NRG1: variants seen among roughly 807,000 people sequenced by gnomAD.
NRG1 encodes the protein pro-neuregulin-1, membrane-bound isoform.
Under a neutral mutation model 63.8 loss-of-function variants are expected in NRG1, and 18 were observed. The ratio of observed to expected loss-of-function variants is 0.28; its 90% confidence interval spans 0.19 to 0.42. NRG1 has a LOEUF of 0.42. Among genes scored for constraint, NRG1 ranks in the 10% least tolerant of loss-of-function variants. The pLI is 1.00. For synonymous variants in NRG1, 302 were observed against 301.3 expected (o/e 1.00, Z -0.02); for missense variants, 762 against 814.7 (o/e 0.94, Z 0.79).
intron 1 of NRG1, among the ~76,000 whole-genome samples, chr8:32,445,035 G>C (rs1380818924): frequency 1.3e-5 from 2 of 152,178 alleles, no homozygotes; most frequent in Non-Finnish European, 2.9e-5. Context: ...TTTTGCAAAA[G>C]GCAATACCAA....
At chr8:31,650,960 C>T (rs1804781488) in intron 1 of NRG1, among the ~76,000 whole-genome samples, 1 of 152,312 alleles carries the variant, frequency 6.6e-6, no homozygotes, top group South Asian at 2.1e-4. Context: ...AAATGCTTTT[C>T]AAGGTCCGTT....
intron 1 of NRG1, among the ~76,000 whole-genome samples, chr8:32,106,872 GCC>G (rs1209921364): frequency 6.6e-6 from 1 of 151,836 alleles, no homozygotes; most frequent in Non-Finnish European, 1.5e-5. Flanking sequence ...GATTTTAAAG[GCC>G]CTTGAAAACA....
chr8:31,925,148 A>G (rs979013144), intron 1 of NRG1, among the ~76,000 whole-genome samples: 1 of 3,654 alleles, frequency 2.7e-4, no homozygotes, highest in Non-Finnish European at 1.3e-3. Context: ...GTGTGTGTGT[A>G]TACATATATA....
chr8:31,767,942 T>C (rs1375726675), intron 1 of NRG1, among the ~76,000 whole-genome samples: 1 of 152,134 alleles, frequency 6.6e-6, no homozygotes, highest in African/African-American at 2.4e-5. Context: ...TTTTCTGTAT[T>C]TGTCCAACAT....
chr8:32,162,900 G>A (rs1327457834), intron 1 of NRG1, among the ~76,000 whole-genome samples: 3 of 152,122 alleles, frequency 2.0e-5, no homozygotes, highest in Non-Finnish European at 2.9e-5. Flanking sequence ...GGGGTGAGGA[G>A]GGGTGCAATA....
At position 31,950,922 on chromosome 8, in the gene NRG1, A is replaced by G. The variant is rs571399899; in HGVS notation, c.37+311491A>G. Among the ~76,000 whole-genome samples, 13 of 152,348 alleles carry G rather than the reference A, an allele frequency of 8.5e-5. No homozygotes were observed. In the East Asian group the frequency reaches 1.3e-3, roughly 16 times the overall value. On this transcript the variant is annotated intron_variant, in intron 1 of 10. Coordinates refer to the NRG1 transcript ENST00000519301. ...AATATAAAGAGAGGACACTGTGAAAATCACTTTCCAAACTGACTTGTATTG... is the reference window on the plus strand; with the variant it reads ...AATATAAAGAGAGGACACTGTGAAAGTCACTTTCCAAACTGACTTGTATTG...
intron 1 of NRG1, among the ~76,000 whole-genome samples, chr8:32,254,238 A>G (rs1019507475): frequency 6.6e-6 from 1 of 151,622 alleles, no homozygotes. Flanking sequence ...CTAGCTTTTG[A>G]ATTTGTTTGC....
intron 1 of NRG1, among the ~76,000 whole-genome samples, chr8:32,367,573 C>T (rs1808242165): frequency 6.6e-6 from 1 of 152,126 alleles, no homozygotes; most frequent in Non-Finnish European, 1.5e-5. Context: ...GGAACTCAAA[C>T]TATAGTCCTT....
intron 1 of NRG1, among the ~76,000 whole-genome samples, chr8:32,531,424 TTAAA>T (rs1831441233): frequency 6.6e-6 from 1 of 152,030 alleles, no homozygotes; most frequent in Non-Finnish European, 1.5e-5. Flanking sequence ...TAAAAATTAA[TTAAA>T]TATTAATTAC....
chr8:31,812,496 A>G (rs1822984613), intron 1 of NRG1, among the ~76,000 whole-genome samples: 2 of 151,968 alleles, frequency 1.3e-5, no homozygotes, highest in Admixed American at 1.3e-4. Flanking sequence ...TGGAATACCC[A>G]ATTAGGGGTT....
intron 1 of NRG1, among the ~76,000 whole-genome samples, chr8:32,318,767 G>A (rs752344955): frequency 5.3e-5 from 8 of 152,164 alleles, no homozygotes; most frequent in Non-Finnish European, 1.2e-4. Flanking sequence ...AGGCTGAGAA[G>A]TTAAGTCTCC....
intron 1 of NRG1, among the ~76,000 whole-genome samples, chr8:32,305,006 C>T (rs1032228749): frequency 1.3e-5 from 2 of 152,044 alleles, no homozygotes; most frequent in Admixed American, 1.3e-4. Flanking sequence ...CAGAGAGAGA[C>T]TCTGTCTCCA....
intron 1 of NRG1, among the ~76,000 whole-genome samples, chr8:31,874,109 T>G (rs1829719908): frequency 6.6e-6 from 1 of 152,204 alleles, no homozygotes; most frequent in Admixed American, 6.5e-5. Flanking sequence ...AGGGCACAAT[T>G]TTCATTTTAT....
chr8:31,768,619 A>T (rs1193630524), intron 1 of NRG1, among the ~76,000 whole-genome samples: 1 of 152,202 alleles, frequency 6.6e-6, no homozygotes, highest in African/African-American at 2.4e-5. Context: ...GATCCAACAC[A>T]TACTAACCAT....
At chr8:31,851,499 G>A (rs932163372) in intron 1 of NRG1, among the ~76,000 whole-genome samples, 2 of 152,144 alleles carry the variant, frequency 1.3e-5, no homozygotes, top group Admixed American at 1.3e-4. Context: ...ACACTGAAAG[G>A]CATTTTATTT....
chr8:31,793,003 C>T lies in NRG1; in HGVS notation c.37+153572C>T, dbSNP rs187774641. 3.9e-5 allele frequency among the ~76,000 whole-genome samples: 6 copies of T among 152,302 alleles called. No homozygotes were observed. The East Asian group carries it at 1.2e-3, about 29-fold the overall frequency. ...GTCCACAGGTAGTTTGAGAACCTAACTATATTAAATTTCAATATTCAGCAA... is the reference window on the plus strand; with the variant it reads ...GTCCACAGGTAGTTTGAGAACCTAATTATATTAAATTTCAATATTCAGCAA... On this transcript the variant is annotated intron_variant, in intron 1 of 10. Transcript: ENST00000519301.
At chr8:31,835,597 G>C (rs572638958) in intron 1 of NRG1, among the ~76,000 whole-genome samples, 1 of 152,072 alleles carries the variant, frequency 6.6e-6, no homozygotes, top group Admixed American at 6.5e-5. Context: ...TAAAATCACC[G>C]GGCCTAGTTT....
chr8:32,209,236 G>A (rs867084985), intron 1 of NRG1, among the ~76,000 whole-genome samples: 4 of 152,074 alleles, frequency 2.6e-5, no homozygotes, highest in Middle Eastern at 6.8e-3. Context: ...TAGCAATTAT[G>A]TTCCATAATC....
chr8:32,619,450 T>C (rs563977894), intron 5 of NRG1, among the ~76,000 whole-genome samples: 1 of 152,222 alleles, frequency 6.6e-6, no homozygotes, highest in East Asian at 1.9e-4. Context: ...AGGACATTGG[T>C]ATTTAATGGA....
Sources: gnomAD v4.1 joint callset for allele counts (sites outside exome capture counted in the v4.1 genomes callset) on GRCh38, gnomAD v4.1.1 for gene constraint, MANE v1.5 for transcripts, NCBI Gene and HGNC (gene_info 2026-07-23, HGNC 2026-07-21) for gene names.